SMPX: variants seen among roughly 807,000 people sequenced by gnomAD.
SMPX encodes small muscle protein X-linked.
A neutral mutation model predicts 6.3 loss-of-function variants in SMPX; 2 were observed. The ratio of observed to expected loss-of-function variants is 0.32; its 90% CI spans 0.13 to 0.99. The LOEUF (loss-of-function observed/expected upper bound fraction) is 0.99, where lower values mean the gene tolerates loss of function less well. Among genes scored for constraint, SMPX ranks in the 50% least tolerant of loss-of-function variants. The probability of loss-of-function intolerance (pLI) is 0.49; values close to 1 mark genes in which losing one functional copy is unlikely to be tolerated. For synonymous variants in SMPX, 32 were observed against 24.7 expected (o/e 1.30, Z -0.88); for missense variants, 60 against 66.8 (o/e 0.90, Z 0.36).
At chrX:21,735,895 T>G (rs1299866945) in intron 4 of SMPX, among the ~76,000 whole-genome samples, 1 of 111,376 alleles carries the variant, frequency 9.0e-6, no homozygotes, top group South Asian at 3.9e-4. Flanking sequence ...GGACTGAGTG[T>G]GATACTCAGT....
chrX:21,715,304 G>GTGCGCA (rs58038530), intron 4 of SMPX, among the ~76,000 whole-genome samples: 26 of 84,190 alleles, frequency 3.1e-4, no homozygotes, highest in African/African-American at 4.2e-4. Context: ...GTGTGTGTGT[G>GTGCGCA]CGCGCACGCG....
At chrX:21,712,110 C>T (rs1409153707) in intron 4 of SMPX, among the ~76,000 whole-genome samples, 1 of 112,201 alleles carries the variant, frequency 8.9e-6, no homozygotes, top group Non-Finnish European at 1.9e-5. Context: ...CAAACAACTC[C>T]AAACCCAAAA....
At chrX:21,731,599 AATGTGTAT>A (rs2092804510) in intron 4 of SMPX, among the ~76,000 whole-genome samples, 1 of 95,818 alleles carries the variant, frequency 1.0e-5, no homozygotes, top group African/African-American at 3.7e-5. Flanking sequence ...TGTACACATT[AATGTGTAT>A]ATGTGTATAT....
At chrX:21,718,804 G>A (rs969520958) in intron 4 of SMPX, among the ~76,000 whole-genome samples, 2 of 112,041 alleles carry the variant, frequency 1.8e-5, no homozygotes, top group South Asian at 7.6e-4. Context: ...AAATAGGTCA[G>A]GCGGGGAGAA....
At chrX:21,725,914 A>G (rs980948222) in intron 4 of SMPX, among the ~76,000 whole-genome samples, 1 of 111,440 alleles carries the variant, frequency 9.0e-6, no homozygotes, top group African/African-American at 3.3e-5. Context: ...AAACCAACCA[A>G]CCAATCAACT....
Position 21,737,587 on chromosome X carries a change from T to C in SMPX, c.243A>G (p.Lys81=). 8.3e-7 allele frequency: 1 copy of C among 1,206,234 alleles called. No individual in the cohort carries two copies. The highest frequency in any genetic ancestry group is 1.1e-6 in the Non-Finnish European group (1 of 890,514). ...SEIQNIKSEL[K]YVPKAEQ ...ACTACTGTTCAGCTTTGGGGACATA[T>C]TTTAGTTCACTTTTAATATTCTGGA... The change falls in exon 4 of 5, where the codon AAA becomes AAG. Residue 81 remains lysine (K), a synonymous_variant. Coordinates refer to ENST00000379494, the MANE Select transcript of SMPX (RefSeq NM_014332.3).
chrX:21,718,636 C>T (rs778421555), intron 4 of SMPX, among the ~76,000 whole-genome samples: 3 of 112,098 alleles, frequency 2.7e-5, no homozygotes, highest in South Asian at 7.6e-4. Flanking sequence ...GGCAGTCTCT[C>T]GGATCCCCTG....
intron 2 of SMPX, among the ~76,000 whole-genome samples, chrX:21,745,326 G>A (rs2092820246): frequency 9.0e-6 from 1 of 111,546 alleles, no homozygotes; most frequent in Non-Finnish European, 1.9e-5. Flanking sequence ...GCATCGAGTG[G>A]GAGGAGGAGG....
chrX:21,756,134 T>C (rs761072406), intron 1 of SMPX, among the ~76,000 whole-genome samples: 1 of 112,389 alleles, frequency 8.9e-6, no homozygotes, highest in East Asian at 2.8e-4. Context: ...TCTCAGCATA[T>C]GGTATTCTCT....
intron 4 of SMPX, among the ~76,000 whole-genome samples, chrX:21,737,186 T>C (rs1266453892): frequency 2.7e-5 from 3 of 111,517 alleles, no homozygotes; most frequent in African/African-American, 9.8e-5. Flanking sequence ...TTGCTTTTTG[T>C]GATACCTGGG....
In SMPX at chrX:21,709,847, G is replaced by A. The variant is rs190940953; in HGVS notation, c.*15-3453C>T. On this transcript the variant is annotated intron_variant, in intron 4 of 4. Transcript: ENST00000379494. ...TTCCCTTGAAGCTGAGGTATTCCTT[G>A]GGCTTCTCTGAGCAGCATGGAATGG... 2.6e-4 allele frequency among the ~76,000 whole-genome samples: 29 copies of A among 111,927 alleles called. 1 individual carries two copies. The highest frequency in any genetic ancestry group is 9.1e-4 in the African/African-American group (28 of 30,771).
intron 3 of SMPX, among the ~76,000 whole-genome samples, chrX:21,742,880 A>C (rs2092817516): frequency 8.9e-6 from 1 of 112,617 alleles, no homozygotes; most frequent in Admixed American, 9.4e-5. Context: ...AAAAAGATGA[A>C]ATACAGTTTG....
chrX:21,752,495 G>GT (rs2092828454), intron 2 of SMPX, among the ~76,000 whole-genome samples: 1 of 110,842 alleles, frequency 9.0e-6, no homozygotes, highest in Non-Finnish European at 1.9e-5. Flanking sequence ...TTGCTATGCT[G>GT]TTTTTTTGTT....
At chrX:21,752,098 C>T (rs940764170) in intron 2 of SMPX, among the ~76,000 whole-genome samples, 2 of 112,271 alleles carry the variant, frequency 1.8e-5, no homozygotes, top group Non-Finnish European at 3.8e-5. Flanking sequence ...TTGCCTTTGT[C>T]GGCAGAATGG....
In SMPX at chrX:21,737,548, C is replaced by A. The variant is rs761398278; in HGVS notation, c.*14+1G>T. 4 of 1,204,347 alleles carry A rather than the reference C, an allele frequency of 3.3e-6. No individual in the cohort carries two copies. Among genetic ancestry groups the A allele is most frequent in the Admixed American group, 2.2e-5 (1 of 46,052 alleles). ...GACAAAGAAGATAGTTTTTCACTCA[C>A]CTTTTTTCTTCCTACTACTGTTCAG... On this transcript the variant is annotated splice_donor_variant, in intron 4 of 4. Coordinates refer to ENST00000379494, the MANE Select transcript of SMPX (RefSeq NM_014332.3). LOFTEE classifies it low-confidence loss of function (3UTR_SPLICE).
At chrX:21,720,330 T>C (rs1440289240) in intron 4 of SMPX, among the ~76,000 whole-genome samples, 2 of 112,109 alleles carry the variant, frequency 1.8e-5, no homozygotes, top group South Asian at 3.7e-4. Flanking sequence ...CTCCTCCTGA[T>C]AGCAGTCATC....
intron 4 of SMPX, among the ~76,000 whole-genome samples, chrX:21,731,850 G>T: frequency 1.1e-5 from 1 of 94,691 alleles, no homozygotes; most frequent in African/African-American, 4.4e-5. Context: ...ATATATATAT[G>T]TTAGGTCTAG....
Position 21,737,639 on chromosome X carries a change from G to A in SMPX, c.191C>T (p.Pro64Leu). The change falls in exon 4 of 5, where the codon CCA becomes CTA. Residue 64 changes from proline to leucine, a missense_variant. Coordinates refer to ENST00000379494, the MANE Select transcript of SMPX (RefSeq NM_014332.3). ...TTCCGATAGATTGACTGCAGGTCCT[G>A]GAAGTTTCTTCGCTCCTGGAATTGG... The part of the protein sequence containing the change: ...KKPIPGAKKL[P>L]GPAVNLSEIQ... 1 of 1,207,632 alleles carries A rather than the reference G, an allele frequency of 8.3e-7. No individual in the cohort carries two copies.
At chrX:21,744,280 C>T (rs746766033) in intron 2 of SMPX, among the ~76,000 whole-genome samples, 2 of 111,648 alleles carry the variant, frequency 1.8e-5, no homozygotes, top group Non-Finnish European at 3.8e-5. Flanking sequence ...GGAGGGGAGA[C>T]ATTTACACGC....
Sources: gnomAD v4.1 joint callset for allele counts (sites outside exome capture counted in the v4.1 genomes callset) on GRCh38, gnomAD v4.1.1 for gene constraint, MANE v1.5 for transcripts, NCBI Gene and HGNC (gene_info 2026-07-23, HGNC 2026-07-21) for gene names.